LRP1B: variants seen among roughly 807,000 people sequenced by gnomAD.
The protein encoded by LRP1B is low-density lipoprotein receptor-related protein 1B.
LRP1B carries 217 observed loss-of-function variants against 556.6 expected under a neutral mutation model. The observed-to-expected ratio is 0.39, with a 90% CI of 0.35 to 0.44. LRP1B has a LOEUF of 0.44. LRP1B is among the 20% of genes least tolerant of loss of function. The pLI is 1.00. For missense variants in LRP1B, 5,053 were observed against 5,620.8 expected, an observed-to-expected ratio of 0.90 and a Z score of 3.23; for synonymous variants, 2,047 against 1,865.8, an observed-to-expected ratio of 1.10 and a Z score of -2.50.
At chr2:140,545,462 A>G (rs1196873576) in intron 43 of LRP1B, among the ~76,000 whole-genome samples, 1 of 151,922 alleles carries the variant, frequency 6.6e-6, no homozygotes, top group Non-Finnish European at 1.5e-5. Context: ...CAGTTTTTGT[A>G]TATGGTTTAA....
intron 11 of LRP1B, among the ~76,000 whole-genome samples, chr2:141,037,282 TTTGA>T (rs1371414522): frequency 1.3e-5 from 2 of 152,076 alleles, no homozygotes; most frequent in African/African-American, 4.8e-5. Flanking sequence ...ATCCAGCCTA[TTTGA>T]TTGGCCAAAT....
At chr2:140,748,131 AT>A (rs1559093661) in intron 35 of LRP1B, among the ~76,000 whole-genome samples, 9,022 of 62,496 alleles carry the variant, frequency 0.14, 806 homozygotes, top group African/African-American at 0.17. Flanking sequence ...ATATATATAT[AT>A]ATATAATTCA....
chr2:141,198,406 G>A (rs79471138), intron 6 of LRP1B, among the ~76,000 whole-genome samples: 4,369 of 152,128 alleles, frequency 0.029, 105 homozygotes, highest in Non-Finnish European at 0.041. Context: ...TCTATGCTCC[G>A]ATCCTGTTTC....
chr2:141,470,938 T>C (rs115066959), intron 3 of LRP1B, among the ~76,000 whole-genome samples: 2,278 of 152,312 alleles, frequency 0.015, 38 homozygotes, highest in Non-Finnish European at 0.02. Context: ...ATAGTAAACA[T>C]ACCTTCCAAA....
chr2:141,898,857 G>T (rs1699534123), intron 1 of LRP1B, among the ~76,000 whole-genome samples: 1 of 152,096 alleles, frequency 6.6e-6, no homozygotes, highest in Non-Finnish European at 1.5e-5. Context: ...ACAACCAGGT[G>T]AGGCACAGCA....
At chr2:141,903,021 A>C (rs2104937265) in intron 1 of LRP1B, among the ~76,000 whole-genome samples, 1 of 151,994 alleles carries the variant, frequency 6.6e-6, no homozygotes, top group African/African-American at 2.4e-5. Context: ...TCTTGCATGC[A>C]TCTGCTGACT....
At chr2:141,069,340 T>G (rs895020886) in intron 7 of LRP1B, among the ~76,000 whole-genome samples, 1 of 152,060 alleles carries the variant, frequency 6.6e-6, no homozygotes, top group African/African-American at 2.4e-5. Context: ...TGTGGAGAAA[T>G]AGAAAGATTT....
intron 84 of LRP1B, among the ~76,000 whole-genome samples, chr2:140,294,282 A>G (rs775532379): frequency 6.6e-6 from 1 of 152,244 alleles, no homozygotes; most frequent in Admixed American, 6.5e-5. Flanking sequence ...AGATCATTGA[A>G]CACTGATTAA....
intron 66 of LRP1B, among the ~76,000 whole-genome samples, chr2:140,397,925 G>C (rs1684322669): frequency 6.6e-6 from 1 of 151,994 alleles, no homozygotes; most frequent in African/African-American, 2.4e-5. Flanking sequence ...TGCTTGCATA[G>C]GTGTTAAAAT....
intron 1 of LRP1B, among the ~76,000 whole-genome samples, chr2:141,850,545 CTATA>C (rs374359064): frequency 7.0e-6 from 1 of 143,278 alleles, no homozygotes; most frequent in Non-Finnish European, 1.5e-5. Context: ...ATATACATTC[CTATA>C]TATATATATG....
chr2:140,501,895 A>C, intron 54 of LRP1B, 21 bp from the exon 55 acceptor site: 1 of 1,566,134 alleles, frequency 6.4e-7, no homozygotes, highest in South Asian at 1.2e-5. Flanking sequence ...AATAAAACAA[A>C]TGGAACATAA....
chr2:141,390,099 T>C (rs1175670280), intron 3 of LRP1B, among the ~76,000 whole-genome samples: 6 of 151,968 alleles, frequency 3.9e-5, no homozygotes, highest in Admixed American at 3.3e-4. Flanking sequence ...GATCACGCCA[T>C]TGCACTCCAG....
intron 7 of LRP1B, among the ~76,000 whole-genome samples, chr2:141,079,798 T>C (rs892933332): frequency 2.0e-5 from 3 of 152,238 alleles, no homozygotes; most frequent in African/African-American, 4.8e-5. Flanking sequence ...TCATGAGGTA[T>C]ACTATTAGGT....
intron 5 of LRP1B, among the ~76,000 whole-genome samples, chr2:141,232,929 G>T (rs1316040225): frequency 6.6e-6 from 1 of 152,196 alleles, no homozygotes; most frequent in Non-Finnish European, 1.5e-5. Flanking sequence ...TTCTTTCAGT[G>T]TATTTCAAGT....
chr2:141,254,262 T>C (rs1684377989), intron 4 of LRP1B, among the ~76,000 whole-genome samples: 1 of 152,108 alleles, frequency 6.6e-6, no homozygotes. Context: ...ATTAGATCAA[T>C]GTGTTAGTGG....
At chr2:141,549,257 C>T (rs1164663123) in intron 2 of LRP1B, among the ~76,000 whole-genome samples, 1 of 152,118 alleles carries the variant, frequency 6.6e-6, no homozygotes, top group Non-Finnish European at 1.5e-5. Context: ...ATGTAAACCT[C>T]ATGACGTTAT....
intron 7 of LRP1B, among the ~76,000 whole-genome samples, chr2:141,146,838 T>A (rs1701795561): frequency 1.3e-5 from 2 of 152,202 alleles, no homozygotes; most frequent in Non-Finnish European, 2.9e-5. Context: ...CACTTGAAGA[T>A]GAAAACAGTA....
At chr2:141,653,144 C>T (rs1422123702) in intron 2 of LRP1B, among the ~76,000 whole-genome samples, 1 of 152,196 alleles carries the variant, frequency 6.6e-6, no homozygotes. Context: ...TGGAAGTTCA[C>T]ATCACAGCAG....
At chr2:141,423,598 T>C (rs976168944) in intron 3 of LRP1B, among the ~76,000 whole-genome samples, 3 of 152,124 alleles carry the variant, frequency 2.0e-5, no homozygotes, top group Non-Finnish European at 2.9e-5. Context: ...TAAGCAGCTA[T>C]TGAATGAAAG....
Sources: gnomAD v4.1 joint callset for allele counts (sites outside exome capture counted in the v4.1 genomes callset) on GRCh38, gnomAD v4.1.1 for gene constraint, MANE v1.5 for transcripts, NCBI Gene and HGNC (gene_info 2026-07-23, HGNC 2026-07-21) for gene names.